GLYATL2: variants seen among roughly 807,000 people sequenced by gnomAD.
The protein encoded by GLYATL2 is glycine-N-acyltransferase like 2, also known as glycine N-acyltransferase-like protein 2.
GLYATL2 carries 25 observed loss-of-function variants against 21.4 expected under a neutral mutation model. The ratio of observed to expected loss-of-function variants is 1.17; its 90% CI spans 0.85 to 1.63. The LOEUF (loss-of-function observed/expected upper bound fraction) is 1.63, where lower values mean the gene tolerates loss of function less well. GLYATL2 is among the 40% of genes most tolerant of loss of function. The probability of loss-of-function intolerance (pLI) is 0.00; values close to 1 mark genes in which losing one functional copy is unlikely to be tolerated. For synonymous variants in GLYATL2, 114 were observed against 118.2 expected (o/e 0.96, Z 0.23); for missense variants, 361 against 343.3 (o/e 1.05, Z -0.41).
chr11:58,864,562 CAACACAAAGG>C lies in GLYATL2; in HGVS notation n.61-26204_61-26195del, dbSNP rs565839010. On this transcript the variant is annotated intron_variant and non_coding_transcript_variant, in intron 1 of 4. Transcript: ENST00000533636. ...CAGTGCTCACTTCCCTTTTCTTCTT[CAACACAAAGG>C]TTGCCTGTCTGTGTGCTCTGCTGCT... is the stretch of plus-strand genomic sequence containing the variant. Among the ~76,000 whole-genome samples the C allele has an allele frequency of 6.1e-4, 91 of 149,184 alleles. 7 individuals carry two copies. Among genetic ancestry groups the C allele is most frequent in the Admixed American group, 1.0e-3 (15 of 14,560 alleles).
intron 1 of GLYATL2, among the ~76,000 whole-genome samples, chr11:58,854,017 A>T (rs1021080828): frequency 2.0e-5 from 3 of 152,052 alleles, no homozygotes; most frequent in Non-Finnish European, 4.4e-5. Context: ...TATGAATTTA[A>T]CTTTTTCAGA....
Position 58,838,285 on chromosome 11 carries a change from G to A in GLYATL2, c.162C>T (p.Ile54=), listed in dbSNP as rs140753826. 1.4e-5 allele frequency: 22 copies of A among 1,612,472 alleles called. No individual in the cohort carries two copies. Among genetic ancestry groups the A allele is most frequent in the South Asian group, 4.4e-5 (4 of 91,032 alleles). The change falls in exon 3 of 6, where the codon ATC becomes ATT. Residue 54 remains isoleucine, a synonymous_variant. Coordinates refer to ENST00000287275, the MANE Select transcript of GLYATL2 (RefSeq NM_145016.4). The stretch of plus-strand genomic sequence containing the variant: ...CCTGTTTCTGAGGCCGGGTAATGAC[G>A]ATCTGGTAATCTGGCCAGGCATCTA... ...VLVDAWPDYQ[I]VITRPQKQEM... is the part of the protein sequence containing the mutation.
At chr11:58,843,372 A>G (rs1737555887) in intron 1 of GLYATL2, among the ~76,000 whole-genome samples, 1 of 152,178 alleles carries the variant, frequency 6.6e-6, no homozygotes, top group Non-Finnish European at 1.5e-5. Context: ...GAAAGAGTGG[A>G]CTAGAATTAG....
At chr11:58,895,361 TCCAAGAAGC>T (rs1168699023) in intron 1 of GLYATL2, among the ~76,000 whole-genome samples, 2 of 145,880 alleles carry the variant, frequency 1.4e-5, no homozygotes, top group Non-Finnish European at 1.5e-5. Context: ...AAAAACAAAG[TCCAAGAAGC>T]ATGCATTAAT....
At chr11:58,905,670 G>C, upstream of GLYATL2, 4 of 454,974 alleles carry the variant, frequency 8.8e-6, 1 homozygote, top group South Asian at 6.2e-5. Flanking sequence ...TGGTACGCGG[G>C]AACTGGCTGT....
At chr11:58,837,786 T>C (rs1312331191) in intron 3 of GLYATL2, among the ~76,000 whole-genome samples, 1 of 152,238 alleles carries the variant, frequency 6.6e-6, no homozygotes, top group Non-Finnish European at 1.5e-5. Flanking sequence ...CCCAGGGGGC[T>C]GGCTCAGTGA....
intron 1 of GLYATL2, among the ~76,000 whole-genome samples, chr11:58,882,886 A>T (rs1854366076): frequency 6.6e-6 from 1 of 152,112 alleles, no homozygotes; most frequent in South Asian, 2.1e-4. Flanking sequence ...GTGTGGTATT[A>T]TTTCTGAAGG....
rs73475770 is a variant in GLYATL2, at chr11:58,834,985, G to A, written c.477-148C>T. ...CATAACAACTACCTTTTCTATTTCC[G>A]CTTCAAAATGTTTCCAAATAGTTGA... On this transcript the variant is annotated intron_variant, in intron 5 of 5. Transcript: ENST00000287275. 1,604 of 607,848 alleles carry A rather than the reference G, an allele frequency of 2.6e-3. 23 individuals carry two copies. In the African/African-American group the frequency reaches 0.027, roughly 10 times the overall value. 37.7% of individuals were successfully genotyped at this position (607,848 alleles called of 1,614,324 possible).
intron 1 of GLYATL2, among the ~76,000 whole-genome samples, chr11:58,892,029 C>T (rs145036240): frequency 6.6e-6 from 1 of 152,304 alleles, no homozygotes; most frequent in East Asian, 1.9e-4. Flanking sequence ...TAACAAACTC[C>T]AGTTACACAG....
chr11:58,907,246 C>T (rs753306918), upstream of GLYATL2: 2 of 456,102 alleles, frequency 4.4e-6, no homozygotes, highest in Non-Finnish European at 8.8e-6. Context: ...TGCAGGTCAC[C>T]CGCCAGGTTT....
chr11:58,839,651 A>G lies in GLYATL2; in HGVS notation c.-39T>C, dbSNP rs1456290045. 6.8e-7 allele frequency: 1 copy of G among 1,480,738 alleles called. No individual in the cohort carries two copies. Among genetic ancestry groups the G allele is most frequent in the South Asian group, 1.2e-5 (1 of 84,390 alleles). The allele number at this position is 1,480,738 out of a possible 1,614,324, so 91.7% of individuals were successfully genotyped here. ...TCAGCTTCTTTCCCTCAAGAAGATG[A>G]TCTAAGGAAATAAACACAAAAACAA... On this transcript the variant is annotated splice_region_variant and 5_prime_UTR_variant, in exon 2 of 6. Transcript: ENST00000287275.
At chr11:58,837,766 C>G (rs527562562) in intron 3 of GLYATL2, among the ~76,000 whole-genome samples, 6 of 152,210 alleles carry the variant, frequency 3.9e-5, no homozygotes, top group Non-Finnish European at 8.8e-5. Flanking sequence ...GTCACCTGAG[C>G]TAATCCTGAC....
intron 1 of GLYATL2, among the ~76,000 whole-genome samples, chr11:58,875,785 G>A (rs892581011): frequency 4.6e-5 from 7 of 152,062 alleles, no homozygotes; most frequent in South Asian, 2.1e-4. Flanking sequence ...TGCTCTTCTC[G>A]AGGAGTATAT....
chr11:58,859,428 G>C (rs1318023582), intron 1 of GLYATL2, among the ~76,000 whole-genome samples: 1 of 152,300 alleles, frequency 6.6e-6, no homozygotes, highest in South Asian at 2.1e-4. Context: ...GAGAGAGAGA[G>C]AGAGAAAGAT....
intron 1 of GLYATL2, among the ~76,000 whole-genome samples, chr11:58,881,746 C>A (rs1164176136): frequency 6.6e-6 from 1 of 152,176 alleles, no homozygotes; most frequent in Admixed American, 6.5e-5. Flanking sequence ...CCTCCCTCCA[C>A]CCCACGACAG....
At chr11:58,880,502 C>G (rs1024068529) in intron 1 of GLYATL2, among the ~76,000 whole-genome samples, 2 of 152,124 alleles carry the variant, frequency 1.3e-5, no homozygotes, top group African/African-American at 4.8e-5. Flanking sequence ...TGTGATACAG[C>G]ATGGTAGATC....
At chr11:58,889,487 G>A (rs1943306) in intron 1 of GLYATL2, among the ~76,000 whole-genome samples, 133,937 of 152,114 alleles carry the variant, frequency 0.88, 60,308 homozygotes, top group Non-Finnish European at 0.98. Flanking sequence ...TGAAATAGCT[G>A]TAACAACTTA....
rs747663993 is a variant in GLYATL2, at chr11:58,834,637, C to T, written c.677G>A (p.Gly226Asp). The part of the protein sequence containing the change: ...VMEQSCELRM[G>D]YTVPKYRHQG... ...GTGTCTGTATTTGGGGACAGTATAACCCATTCTCAACTCACAGGACTGTTC... is the reference window on the plus strand; with the variant it reads ...GTGTCTGTATTTGGGGACAGTATAATCCATTCTCAACTCACAGGACTGTTC... Residue 226 changes from glycine to aspartate, a missense_variant, in exon 6 of 6, where the codon GGT becomes GAT. Gly to Asp is a moderately conservative substitution (Grantham distance 94, BLOSUM62 -1). Transcript: ENST00000287275. 8 of 1,613,386 alleles carry T rather than the reference C, an allele frequency of 5.0e-6. No homozygotes were observed. In the South Asian group the frequency reaches 7.7e-5, roughly 16 times the overall value.
intron 1 of GLYATL2, among the ~76,000 whole-genome samples, chr11:58,896,225 A>C (rs1441959507): frequency 6.6e-6 from 1 of 152,088 alleles, no homozygotes; most frequent in Non-Finnish European, 1.5e-5. Context: ...CCATCTGCAT[A>C]ATAAAAGTTT....
Sources: gnomAD v4.1 joint callset for allele counts (sites outside exome capture counted in the v4.1 genomes callset) on GRCh38, gnomAD v4.1.1 for gene constraint, MANE v1.5 for transcripts, NCBI Gene and HGNC (gene_info 2026-07-23, HGNC 2026-07-21) for gene names.